The following SLCO5A1 variants were observed in gnomAD, a reference collection of about 807,000 sequenced individuals.
The protein encoded by SLCO5A1 is organic anion transporter polypeptide-related protein 4.
A neutral mutation model predicts 65.1 loss-of-function variants in SLCO5A1; 39 were observed. That is an observed-to-expected ratio of 0.60 (90% CI 0.46 to 0.78). The LOEUF is 0.78. Ranked by LOEUF, SLCO5A1 falls within the 30% of genes least tolerant of loss-of-function variation. The probability of loss-of-function intolerance (pLI) is 0.00; values close to 1 mark genes in which losing one functional copy is unlikely to be tolerated. For missense variants in SLCO5A1, 1,029 were observed against 1,069.4 expected, an observed-to-expected ratio of 0.96 and a Z score of 0.53; for synonymous variants, 438 against 415.7, an observed-to-expected ratio of 1.05 and a Z score of -0.65.
At chr8:69,699,218 C>T (rs1288451840) in intron 6 of SLCO5A1, among the ~76,000 whole-genome samples, 1 of 152,144 alleles carries the variant, frequency 6.6e-6, no homozygotes, top group Non-Finnish European at 1.5e-5. Context: ...GAAAATGCAC[C>T]AAAGGCTCTG....
intron 5 of SLCO5A1, among the ~76,000 whole-genome samples, chr8:69,733,378 C>G (rs1018608865): frequency 2.6e-5 from 4 of 152,124 alleles, no homozygotes; most frequent in Non-Finnish European, 5.9e-5. Flanking sequence ...TAGAGAGAGA[C>G]AGGGGAGAGA....
At chr8:69,763,312 G>GAAA (rs939487522) in intron 2 of SLCO5A1, among the ~76,000 whole-genome samples, 2 of 137,880 alleles carry the variant, frequency 1.5e-5, no homozygotes, top group Admixed American at 7.4e-5. Flanking sequence ...CTCCATCTCA[G>GAAA]AAAAAAAAAA....
chr8:69,831,727 G>A (rs776136137), intron 2 of SLCO5A1, 40 bp downstream of exon 2: 1 of 1,557,652 alleles, frequency 6.4e-7, no homozygotes, highest in Non-Finnish European at 8.7e-7. Flanking sequence ...GTAAGTTTCA[G>A]TGTGAGTGAA....
At chr8:69,773,457 C>T (rs796308615) in intron 2 of SLCO5A1, among the ~76,000 whole-genome samples, 51 of 152,302 alleles carry the variant, frequency 3.3e-4, no homozygotes, top group African/African-American at 1.0e-3. Context: ...TCCCTCTCTG[C>T]TTTTGCACCA....
chr8:69,807,968 G>A (rs1820072750), intron 2 of SLCO5A1, among the ~76,000 whole-genome samples: 1 of 152,206 alleles, frequency 6.6e-6, no homozygotes, highest in African/African-American at 2.4e-5. Flanking sequence ...CTCCCAAAGT[G>A]CTGGGATTAC....
At chr8:69,730,600 A>G (rs1328478409) in intron 5 of SLCO5A1, among the ~76,000 whole-genome samples, 1 of 152,310 alleles carries the variant, frequency 6.6e-6, no homozygotes, top group Non-Finnish European at 1.5e-5. Flanking sequence ...CAAATCATCA[A>G]CGTGCATCTG....
chr8:69,776,685 G>A (rs1287519510), intron 2 of SLCO5A1, among the ~76,000 whole-genome samples: 2 of 151,864 alleles, frequency 1.3e-5, no homozygotes, highest in African/African-American at 4.8e-5. Context: ...GTGAGACCCT[G>A]TCTCAAAAAA....
intron 7 of SLCO5A1, among the ~76,000 whole-genome samples, chr8:69,680,717 G>T (rs541439232): frequency 6.6e-5 from 10 of 152,150 alleles, no homozygotes; most frequent in Non-Finnish European, 1.2e-4. Flanking sequence ...TGCTTTCCAC[G>T]GTGTCTAAGT....
chr8:69,737,984 C>G (rs1653405840), intron 5 of SLCO5A1, 56 bp downstream of exon 5: 1 of 1,565,406 alleles, frequency 6.4e-7, no homozygotes, highest in Non-Finnish European at 8.7e-7. Flanking sequence ...TTTACCCATT[C>G]CATTTCATGG....
intron 5 of SLCO5A1, among the ~76,000 whole-genome samples, chr8:69,725,095 A>G (rs944219013): frequency 1.3e-5 from 2 of 152,148 alleles, no homozygotes; most frequent in Admixed American, 6.6e-5. Flanking sequence ...TAAAACTTCA[A>G]AAACCCTCTA....
In SLCO5A1 at chr8:69,671,442, C is replaced by T. The variant is rs966431958; in HGVS notation, c.*1427G>A. 1.3e-5 allele frequency: 2 copies of T among 152,230 alleles called. No homozygotes were observed. Among genetic ancestry groups the T allele is most frequent in the African/African-American group, 4.8e-5 (2 of 41,450 alleles). 9.4% of individuals were successfully genotyped at this position (152,230 alleles called of 1,614,324 possible). A position where few individuals can be genotyped will look rare whatever the true frequency, so the allele number is the denominator to read the frequency against. On this transcript the variant is annotated 3_prime_UTR_variant, in exon 10 of 10. Transcript: ENST00000260126. ...ATTATATCAGCATTTGGCCCTTACA[C>T]TCCCTGGCAGCCAGAACCCCTGAGC...
chr8:69,675,039 C>G (rs78574362), intron 9 of SLCO5A1, among the ~76,000 whole-genome samples: 1 of 149,540 alleles, frequency 6.7e-6, no homozygotes, highest in Non-Finnish European at 1.5e-5. Context: ...GACTCTGTCT[C>G]CAAAAAAAAA....
chr8:69,678,482 C>T (rs548021465), intron 8 of SLCO5A1, among the ~76,000 whole-genome samples: 17 of 152,308 alleles, frequency 1.1e-4, no homozygotes, highest in African/African-American at 4.1e-4. Context: ...TCACTTATGT[C>T]TTTAGATGAA....
Position 69,831,999 on chromosome 8 carries a change from T to G in SLCO5A1, c.675A>C (p.Gln225His). The G allele has an allele frequency of 6.3e-7, 1 of 1,597,472 alleles. No individual in the cohort carries two copies. The highest frequency in any genetic ancestry group is 1.3e-5 in the African/African-American group (1 of 74,536). Reference protein sequence around the residue: ...PHFISPPYQIQELNASAPNDG... With the variant: ...PHFISPPYQIHELNASAPNDG... Reference sequence around the variant, plus strand: ...CGTTGGGGGCCGAGGCGTTCAACTCTTGGATCTGGTAGGGGGGCGAGATGA... The same window carrying G: ...CGTTGGGGGCCGAGGCGTTCAACTCGTGGATCTGGTAGGGGGGCGAGATGA... The change falls in exon 2 of 10, where the codon CAA becomes CAC. Residue 225 changes from glutamine to histidine, a missense_variant. By Grantham distance (24) the Gln-to-His change is conservative. Transcript: ENST00000260126.
At chr8:69,678,373 A>G (rs1813632371) in intron 8 of SLCO5A1, among the ~76,000 whole-genome samples, 1 of 152,096 alleles carries the variant, frequency 6.6e-6, no homozygotes, top group South Asian at 2.1e-4. Context: ...AAGGGTAATC[A>G]CCCCAGCACC....
chr8:69,810,224 C>T (rs1181957543), intron 2 of SLCO5A1, among the ~76,000 whole-genome samples: 1 of 152,118 alleles, frequency 6.6e-6, no homozygotes, highest in Non-Finnish European at 1.5e-5. Context: ...CTGCAAAAGT[C>T]GCAGCTAAGA....
At chr8:69,709,818 A>T (rs1815145518) in intron 5 of SLCO5A1, among the ~76,000 whole-genome samples, 1 of 152,164 alleles carries the variant, frequency 6.6e-6, no homozygotes, top group Non-Finnish European at 1.5e-5. Context: ...AAGAATATGT[A>T]ATAGAGGGTA....
rs6472478 is a variant in SLCO5A1, at chr8:69,708,674, C to G, written c.1424-3445G>C. Among the ~76,000 whole-genome samples, 5 of 151,926 alleles carry G rather than the reference C, an allele frequency of 3.3e-5. No homozygotes were observed. The South Asian group carries it at 1.0e-3, about 32-fold the overall frequency. ...ATCCCAGCACTTTGGGAGGCCGAGG[C>G]GGGCAGATCATTTGAGGTCAGGAGT... On this transcript the variant is annotated intron_variant, in intron 5 of 9. Coordinates refer to ENST00000260126, the MANE Select transcript of SLCO5A1 (RefSeq NM_030958.3).
At chr8:69,787,474 A>T (rs1327400818) in intron 2 of SLCO5A1, among the ~76,000 whole-genome samples, 1 of 152,184 alleles carries the variant, frequency 6.6e-6, no homozygotes, top group African/African-American at 2.4e-5. Context: ...ACAATCCCTC[A>T]GCCTAAACCC....
Sources: allele counts gnomAD v4.1 joint callset (sites outside exome capture counted in the v4.1 genomes callset), GRCh38; gene constraint gnomAD v4.1.1; transcripts MANE v1.5; gene names NCBI Gene and HGNC (gene_info 2026-07-23, HGNC 2026-07-21).